The following VPS13B variants were observed in gnomAD, a reference collection of about 807,000 sequenced individuals.
VPS13B encodes the protein intermembrane lipid transfer protein VPS13B.
Under a neutral mutation model 426.4 loss-of-function variants are expected in VPS13B, and 285 were observed. The observed-to-expected ratio is 0.67, with a 90% CI of 0.61 to 0.74. The LOEUF (loss-of-function observed/expected upper bound fraction) is 0.74. Ranked by LOEUF, VPS13B falls within the 30% of genes least tolerant of loss-of-function variation. The pLI is 0.00. For synonymous variants in VPS13B, 1,676 were observed against 1,676.4 expected, an observed-to-expected ratio of 1.00 and a Z score of 0.01; for missense variants, 4,537 against 4,782.6, an observed-to-expected ratio of 0.95 and a Z score of 1.51.
intron 33 of VPS13B, among the ~76,000 whole-genome samples, chr8:99,582,450 G>C (rs965433980): frequency 1.3e-5 from 2 of 152,046 alleles, no homozygotes; most frequent in Non-Finnish European, 2.9e-5. Context: ...GCTATTTGTT[G>C]TTAATAAGGG....
intron 3 of VPS13B, among the ~76,000 whole-genome samples, chr8:99,047,922 A>C (rs897432619): frequency 6.6e-6 from 1 of 152,076 alleles, no homozygotes; most frequent in Non-Finnish European, 1.5e-5. Context: ...TCCTGACCTC[A>C]GTGTATCCAC....
intron 25 of VPS13B, among the ~76,000 whole-genome samples, chr8:99,492,237 G>A (rs561471024): frequency 6.6e-6 from 1 of 152,308 alleles, no homozygotes; most frequent in African/African-American, 2.4e-5. Flanking sequence ...TCCTCTGGAA[G>A]CTTCATCCCA....
intron 43 of VPS13B, among the ~76,000 whole-genome samples, chr8:99,794,770 G>A (rs977353332): frequency 2.0e-5 from 3 of 151,974 alleles, no homozygotes; most frequent in Non-Finnish European, 4.4e-5. Context: ...TCTTACTGAG[G>A]TTTACTATAT....
chr8:99,088,366 G>C (rs1382741236), intron 3 of VPS13B, among the ~76,000 whole-genome samples: 1 of 152,020 alleles, frequency 6.6e-6, no homozygotes, highest in Non-Finnish European at 1.5e-5. Context: ...GCATCATTTT[G>C]CAATGTTAGA....
chr8:99,391,154 A>G lies in VPS13B; in HGVS notation c.2935-403A>G, dbSNP rs536160110. On this transcript the variant is annotated intron_variant, in intron 20 of 61. Transcript: ENST00000357162. The stretch of plus-strand genomic sequence containing the variant: ...ATCCATTTTATAAGGATAACTTTAT[A>G]AGGATACTTTTCCATTTTTTGAAAA... Among the ~76,000 whole-genome samples, 6 of 152,302 alleles carry G rather than the reference A, an allele frequency of 3.9e-5. No individual in the cohort carries two copies. The South Asian group carries it at 1.2e-3, about 32-fold the overall frequency.
rs368951087 is a variant in VPS13B, at chr8:99,507,763, C to T, written c.4224+560C>T. On this transcript the variant is annotated intron_variant, in intron 28 of 61. Transcript: ENST00000357162. The stretch of plus-strand genomic sequence containing the variant: ...TCACCTTCTTTGCTCCTGTCCATCA[C>T]TTCAAGCCTTGGGGAAGAGTGTTGG... 1.3e-5 allele frequency: 21 copies of T among 1,613,864 alleles called. No homozygotes were observed. Among genetic ancestry groups the T allele is most frequent in the Non-Finnish European group, 1.5e-5 (18 of 1,179,934 alleles).
intron 19 of VPS13B, among the ~76,000 whole-genome samples, chr8:99,316,804 T>TC (rs1263207742): frequency 3.9e-5 from 6 of 152,232 alleles, no homozygotes; most frequent in Non-Finnish European, 7.3e-5. Context: ...ATGCCTCTAG[T>TC]CAGCCATTGT....
At chr8:99,292,074 G>C (rs1819768389) in intron 19 of VPS13B, among the ~76,000 whole-genome samples, 1 of 152,008 alleles carries the variant, frequency 6.6e-6, no homozygotes, top group South Asian at 2.1e-4. Flanking sequence ...TGGATGTTGG[G>C]ATTATTAGAT....
chr8:99,867,960 T>C lies in VPS13B; in HGVS notation c.11216-329T>C, dbSNP rs76963978. 8.7e-3 allele frequency: 3,167 copies of C among 362,188 alleles called. 31 individuals are homozygous for C. The highest frequency in any genetic ancestry group is 0.011 in the Non-Finnish European group (2,138 of 187,556). The allele number at this position is 362,188 out of a possible 1,614,324, so 22.4% of individuals were successfully genotyped here. On this transcript the variant is annotated intron_variant, in intron 58 of 61. Coordinates refer to ENST00000357162, the MANE Select transcript of VPS13B (RefSeq NM_152564.5). ...CTGCTCCTGAGGAACTGTTAGCTCC[T>C]CTCTCTCAACTTTGTTGCCTGACTT...
intron 22 of VPS13B, among the ~76,000 whole-genome samples, chr8:99,438,170 G>A (rs1477112648): frequency 6.6e-6 from 1 of 151,064 alleles, no homozygotes; most frequent in Non-Finnish European, 1.5e-5. Context: ...ATTCCTTTAG[G>A]GAACTACTTC....
chr8:99,370,865 C>G (rs560735375), intron 19 of VPS13B, among the ~76,000 whole-genome samples: 2 of 152,188 alleles, frequency 1.3e-5, no homozygotes, highest in South Asian at 4.2e-4. Flanking sequence ...CCATCTCGGC[C>G]TCCCAAAGTG....
At chr8:99,537,700 A>C (rs888616043) in intron 30 of VPS13B, among the ~76,000 whole-genome samples, 2 of 152,206 alleles carry the variant, frequency 1.3e-5, no homozygotes, top group African/African-American at 4.8e-5. Flanking sequence ...TCCTGCCAGT[A>C]GAATTAGAGG....
intron 19 of VPS13B, among the ~76,000 whole-genome samples, chr8:99,287,904 A>G (rs921970073): frequency 1.3e-5 from 2 of 152,002 alleles, no homozygotes; most frequent in Non-Finnish European, 2.9e-5. Context: ...AAATCAATTT[A>G]GCGAAGTTTA....
intron 17 of VPS13B, chr8:99,234,361 G>A: frequency 1.4e-6 from 1 of 737,232 alleles, no homozygotes; most frequent in Non-Finnish European, 2.6e-6. Flanking sequence ...CCCACTGCAG[G>A]TGAGGAGGTA....
intron 33 of VPS13B, among the ~76,000 whole-genome samples, chr8:99,579,675 G>A (rs1825956347): frequency 6.6e-6 from 1 of 151,798 alleles, no homozygotes; most frequent in Admixed American, 6.6e-5. Flanking sequence ...TGGGATTACA[G>A]GCGTGAGCCA....
At chr8:99,443,022 A>C (rs1421209893) in intron 23 of VPS13B, among the ~76,000 whole-genome samples, 1 of 152,100 alleles carries the variant, frequency 6.6e-6, no homozygotes, top group African/African-American at 2.4e-5. Context: ...AATTGCGTGA[A>C]TATATTATTT....
At chr8:99,460,970 A>G (rs973928483) in intron 23 of VPS13B, among the ~76,000 whole-genome samples, 2 of 152,184 alleles carry the variant, frequency 1.3e-5, no homozygotes, top group Non-Finnish European at 2.9e-5. Flanking sequence ...TCAAGCATAA[A>G]TGCTTTTCTC....
intron 23 of VPS13B, among the ~76,000 whole-genome samples, chr8:99,459,722 T>A (rs1039176423): frequency 1.3e-5 from 2 of 152,164 alleles, no homozygotes; most frequent in African/African-American, 4.8e-5. Flanking sequence ...GGGACCACCA[T>A]TGTGTATGCA....
At chr8:99,117,731 A>G (rs553200690) in intron 7 of VPS13B, among the ~76,000 whole-genome samples, 1 of 152,356 alleles carries the variant, frequency 6.6e-6, no homozygotes, top group African/African-American at 2.4e-5. Context: ...AGAAATGTTC[A>G]TAATAGGCAG....
Sources: gnomAD v4.1 joint callset for allele counts (sites outside exome capture counted in the v4.1 genomes callset) on GRCh38, gnomAD v4.1.1 for gene constraint, MANE v1.5 for transcripts, NCBI Gene and HGNC (gene_info 2026-07-23, HGNC 2026-07-21) for gene names.